The following FZD3 variants were observed in gnomAD, a reference collection of about 807,000 sequenced individuals.
FZD3 encodes frizzled-3.
In FZD3, 30 loss-of-function variants were observed where a neutral mutation model predicts 60.7. The observed-to-expected ratio is 0.49, with a 90% CI of 0.37 to 0.67. The LOEUF is 0.67. FZD3 is among the 30% of genes least tolerant of loss of function. FZD3 has a pLI of 0.00. For missense variants in FZD3, 605 were observed against 838.7 expected (o/e 0.72, Z 3.44); for synonymous variants, 246 against 275.2 (o/e 0.89, Z 1.05).
intron 1 of FZD3, among the ~76,000 whole-genome samples, chr8:28,496,683 T>TA (rs1803853549): frequency 6.6e-6 from 1 of 152,222 alleles, no homozygotes; most frequent in Admixed American, 6.5e-5. Context: ...GAAAGAGTTT[T>TA]ACCTACTATG....
In FZD3 at chr8:28,567,145, C is replaced by A; in HGVS notation, c.*4134C>A. On this transcript the variant is annotated 3_prime_UTR_variant, in exon 8 of 8. Transcript: ENST00000240093. The stretch of plus-strand genomic sequence containing the variant: ...TGTAGGCATGCACCACTACACCTGG[C>A]TAATTTTAATTTTTTTTTCTTTTTT... 6.6e-6 allele frequency: 1 copy of A among 152,554 alleles called. No individual in the cohort carries two copies. The highest frequency in any genetic ancestry group is 1.5e-5 in the Non-Finnish European group (1 of 68,328). 9.5% of individuals were successfully genotyped at this position (152,554 alleles called of 1,614,324 possible). A position where few individuals can be genotyped will look rare whatever the true frequency, so the allele number is the denominator to read the frequency against.
chr8:28,510,812 G>A (rs1036065792), intron 3 of FZD3, among the ~76,000 whole-genome samples: 7 of 152,064 alleles, frequency 4.6e-5, no homozygotes, highest in Admixed American at 2.6e-4. Context: ...CGAGGCGGGC[G>A]GATCACCAGA....
chr8:28,512,202 G>C (rs1010174399), intron 3 of FZD3, among the ~76,000 whole-genome samples: 25 of 152,108 alleles, frequency 1.6e-4, no homozygotes, highest in African/African-American at 6.0e-4. Flanking sequence ...CTTATAAGTG[G>C]TGTAATTAAG....
chr8:28,544,137 G>A (rs936494718), intron 5 of FZD3, among the ~76,000 whole-genome samples: 4 of 152,018 alleles, frequency 2.6e-5, no homozygotes, highest in Admixed American at 2.6e-4. Flanking sequence ...TTCTGGGATA[G>A]TAGTGCTCCT....
In FZD3 at chr8:28,499,964, C is replaced by T. The variant is rs763262596; in HGVS notation, c.-359C>T. 2 of 152,106 alleles carry T rather than the reference C, an allele frequency of 1.3e-5. No homozygotes were observed. Among genetic ancestry groups the T allele is most frequent in the Non-Finnish European group, 2.9e-5 (2 of 68,016 alleles). 9.4% of individuals were successfully genotyped at this position (152,106 alleles called of 1,614,324 possible). On this transcript the variant is annotated 5_prime_UTR_variant, in exon 2 of 8. Transcript: ENST00000240093. Reference sequence around the variant, plus strand: ...ATTTCTCAAGACCTGACTTATGGAGCACTTGTAACCTGAGGTAATCATTAG... The same window carrying T: ...ATTTCTCAAGACCTGACTTATGGAGTACTTGTAACCTGAGGTAATCATTAG...
At chr8:28,495,126 C>T (rs771003600) in intron 1 of FZD3, among the ~76,000 whole-genome samples, 2 of 152,174 alleles carry the variant, frequency 1.3e-5, no homozygotes, top group Non-Finnish European at 2.9e-5. Flanking sequence ...ATCTTCCTAG[C>T]GGTGTTTTAC....
intron 5 of FZD3, among the ~76,000 whole-genome samples, chr8:28,536,055 T>C (rs934211621): frequency 6.6e-6 from 1 of 152,202 alleles, no homozygotes; most frequent in Admixed American, 6.5e-5. Context: ...GCAATGAAGA[T>C]TAAATGAGAA....
At chr8:28,505,873 A>G (rs1804126716) in intron 3 of FZD3, among the ~76,000 whole-genome samples, 1 of 152,240 alleles carries the variant, frequency 6.6e-6, no homozygotes, top group South Asian at 2.1e-4. Context: ...ATAAGTGTCA[A>G]TCCATTAAGT....
chr8:28,543,129 A>G (rs1004669081), intron 5 of FZD3, among the ~76,000 whole-genome samples: 1 of 152,198 alleles, frequency 6.6e-6, no homozygotes, highest in African/African-American at 2.4e-5. Flanking sequence ...TTCACATCAC[A>G]CAATTGTTCT....
intron 5 of FZD3, among the ~76,000 whole-genome samples, chr8:28,548,833 TATG>T (rs1295973590): frequency 6.6e-6 from 1 of 152,220 alleles, no homozygotes; most frequent in Non-Finnish European, 1.5e-5. Context: ...TCTGCATTCT[TATG>T]ATAAATTATT....
rs1196324223 is a variant in FZD3, at chr8:28,527,960, T to A, written c.1200T>A (p.Val400=). 5.6e-6 allele frequency: 9 copies of A among 1,614,012 alleles called. No homozygotes were observed. Among genetic ancestry groups the A allele is most frequent in the Non-Finnish European group, 6.8e-6 (8 of 1,179,866 alleles). ...LLAGIISLNR[V]RIEIPLEKEN... is the part of the protein sequence containing the mutation. ...CTGGCATTATATCCCTAAACAGAGT[T>A]CGAATTGAGATTCCATTAGAAAAGG... Residue 400 remains valine, a synonymous_variant, in exon 5 of 8, where the codon GTT becomes GTA. Coordinates refer to ENST00000240093, the MANE Select transcript of FZD3 (RefSeq NM_017412.4). The surrounding 1 kb of genome is among the most constrained non-coding windows in gnomAD (Gnocchi z 5.0).
chr8:28,517,618 T>G (rs1804463071), intron 3 of FZD3, among the ~76,000 whole-genome samples: 1 of 152,204 alleles, frequency 6.6e-6, no homozygotes, highest in African/African-American at 2.4e-5. Flanking sequence ...TTCTGTATTT[T>G]TTGGTCTGTG....
intron 5 of FZD3, among the ~76,000 whole-genome samples, chr8:28,531,767 AT>A (rs1265591686): frequency 1.3e-5 from 2 of 151,904 alleles, no homozygotes; most frequent in Non-Finnish European, 2.9e-5. Flanking sequence ...ATCTTTGTCC[AT>A]TGCTCTGTTA....
intron 4 of FZD3, among the ~76,000 whole-genome samples, chr8:28,521,992 T>C (rs1172048806): frequency 6.6e-6 from 1 of 152,208 alleles, no homozygotes; most frequent in Non-Finnish European, 1.5e-5. Context: ...ACTTAAGAAA[T>C]AATAAATCCT....
chr8:28,523,501 C>G (rs1350422877), intron 4 of FZD3, among the ~76,000 whole-genome samples: 5 of 151,944 alleles, frequency 3.3e-5, no homozygotes, highest in Non-Finnish European at 5.9e-5. Context: ...ACAGTCACAG[C>G]TCACTATAGC....
In FZD3 at chr8:28,563,053, C is replaced by T; in HGVS notation, c.*42C>T. 1 of 1,371,148 alleles carries T rather than the reference C, an allele frequency of 7.3e-7. No individual in the cohort carries two copies. Among genetic ancestry groups the T allele is most frequent in the Non-Finnish European group, 1.0e-6 (1 of 959,310 alleles). 84.9% of individuals were successfully genotyped at this position (1,371,148 alleles called of 1,614,324 possible). ...TGGAAATCTTGTGCTGTTTAAAAAG[C>T]AGATTTTATTCTTTGCCTTTTGCAT... On this transcript the variant is annotated 3_prime_UTR_variant, in exon 8 of 8. Transcript: ENST00000240093.
intron 3 of FZD3, among the ~76,000 whole-genome samples, chr8:28,513,295 C>G (rs1268861918): frequency 1.3e-5 from 2 of 152,036 alleles, no homozygotes; most frequent in Non-Finnish European, 2.9e-5. Flanking sequence ...CAGAACTGTC[C>G]ATGATATTGG....
rs566505828 is a variant in FZD3, at chr8:28,543,449, C to T, written c.1405-8154C>T. Among the ~76,000 whole-genome samples the T allele has an allele frequency of 3.3e-5, 5 of 152,024 alleles. No homozygotes were observed. The East Asian group carries it at 5.8e-4, about 18-fold the overall frequency. ...ATGCTGGAGTGCAGTGGCGCAGTCT[C>T]GGCTCACTGCACCCTCTGCCTCCCA... On this transcript the variant is annotated intron_variant, in intron 5 of 7. Coordinates refer to ENST00000240093, the MANE Select transcript of FZD3 (RefSeq NM_017412.4).
Position 28,502,978 on chromosome 8 carries a change from G to C in FZD3, c.-36G>C. ...AATATCTAAAATACATATTGAATAG[G>C]CCTGATCATCTGAATCTCCTTCAGA... On this transcript the variant is annotated 5_prime_UTR_variant, in exon 3 of 8. Coordinates refer to ENST00000240093, the MANE Select transcript of FZD3 (RefSeq NM_017412.4). 1 of 1,435,386 alleles carries C rather than the reference G, an allele frequency of 7.0e-7. No homozygotes were observed. The highest frequency in any genetic ancestry group is 9.8e-7 in the Non-Finnish European group (1 of 1,022,188). The allele number at this position is 1,435,386 out of a possible 1,614,324, so 88.9% of individuals were successfully genotyped here.
Sources: allele counts gnomAD v4.1 joint callset (sites outside exome capture counted in the v4.1 genomes callset), GRCh38; gene constraint gnomAD v4.1.1; non-coding constraint Gnocchi (gnomAD v3.1); transcripts MANE v1.5; gene names NCBI Gene and HGNC (gene_info 2026-07-23, HGNC 2026-07-21).